The following GPM6A variants were observed in gnomAD, a reference collection of about 807,000 sequenced individuals.
GPM6A encodes glycoprotein M6A.
GPM6A carries 7 observed loss-of-function variants against 32.1 expected under a neutral mutation model. The observed-to-expected ratio is 0.22, with a 90% CI of 0.12 to 0.41. GPM6A has a LOEUF of 0.41. Among genes scored for constraint, GPM6A ranks in the 10% least tolerant of loss-of-function variants. The probability of loss-of-function intolerance (pLI) is 1.00; values close to 1 mark genes in which losing one functional copy is unlikely to be tolerated. For synonymous variants in GPM6A, 130 were observed against 123.4 expected (o/e 1.05, Z -0.35); for missense variants, 235 against 347.2 (o/e 0.68, Z 2.57).
At chr4:175,711,457 T>TATATATATATATATAC (rs1303046650) in intron 1 of GPM6A, among the ~76,000 whole-genome samples, 3 of 28,010 alleles carry the variant, frequency 1.1e-4, no homozygotes, top group African/African-American at 2.5e-4. Flanking sequence ...TATATATATA[T>TATATATATATATATAC]ACACACACAT....
At chr4:175,936,073 AG>A (rs1739213381) in intron 1 of GPM6A, among the ~76,000 whole-genome samples, 1 of 151,704 alleles carries the variant, frequency 6.6e-6, no homozygotes, top group Non-Finnish European at 1.5e-5. Context: ...TGGGAGGCCG[AG>A]GGGGGTGGAT....
intron 1 of GPM6A, among the ~76,000 whole-genome samples, chr4:175,839,895 C>T (rs1735884754): frequency 6.6e-6 from 1 of 152,080 alleles, no homozygotes; most frequent in African/African-American, 2.4e-5. Flanking sequence ...ACCATGACAT[C>T]TTTAGAGATT....
intron 1 of GPM6A, among the ~76,000 whole-genome samples, chr4:175,924,405 T>C (rs1163773573): frequency 6.6e-6 from 1 of 152,150 alleles, no homozygotes; most frequent in Non-Finnish European, 1.5e-5. Flanking sequence ...GCTGTGGCCC[T>C]TGCTAAAGAC....
At chr4:175,636,896 A>T (rs1011105478) in intron 6 of GPM6A, among the ~76,000 whole-genome samples, 12 of 141,688 alleles carry the variant, frequency 8.5e-5, no homozygotes, top group African/African-American at 3.1e-4. Context: ...CTGTTTCTGA[A>T]TTGGAGTGAT....
chr4:175,709,393 G>A (rs1218588059), intron 1 of GPM6A, among the ~76,000 whole-genome samples: 2 of 150,366 alleles, frequency 1.3e-5, no homozygotes, highest in Admixed American at 6.7e-5. Flanking sequence ...TTCTTAAAGA[G>A]CATTGGCCAG....
intron 1 of GPM6A, among the ~76,000 whole-genome samples, chr4:175,797,789 T>C (rs899474268): frequency 1.3e-5 from 2 of 152,196 alleles, no homozygotes; most frequent in Non-Finnish European, 2.9e-5. Flanking sequence ...CTTAAAGTTC[T>C]CATTTTAAAT....
intron 1 of GPM6A, among the ~76,000 whole-genome samples, chr4:175,736,394 ACC>A (rs1731660932): frequency 6.6e-6 from 1 of 152,178 alleles, no homozygotes; most frequent in African/African-American, 2.4e-5. Flanking sequence ...TAGAGTCTTC[ACC>A]TCCGAGGATC....
chr4:175,867,807 C>T (rs1392932037), intron 1 of GPM6A, among the ~76,000 whole-genome samples: 4 of 152,082 alleles, frequency 2.6e-5, no homozygotes, highest in Non-Finnish European at 5.9e-5. Flanking sequence ...AGGCTACAGC[C>T]GATTGAAGTG....
chr4:175,787,479 T>C, intron 1 of GPM6A: 1 of 1,494,582 alleles, frequency 6.7e-7, no homozygotes, highest in Non-Finnish European at 8.9e-7. Context: ...TAAATTGTTT[T>C]TTTAAGTCAC....
chr4:175,927,779 G>A (rs978572366), intron 1 of GPM6A, among the ~76,000 whole-genome samples: 16 of 152,288 alleles, frequency 1.1e-4, no homozygotes, highest in African/African-American at 2.6e-4. Flanking sequence ...CAGCTACTCC[G>A]GAGGCTGAGG....
At chr4:175,984,849 C>T (rs1465879110) in intron 1 of GPM6A, among the ~76,000 whole-genome samples, 2 of 151,906 alleles carry the variant, frequency 1.3e-5, no homozygotes, top group Non-Finnish European at 2.9e-5. Flanking sequence ...ACCTGTTGTC[C>T]CATCACCATT....
At chr4:175,946,370 C>A (rs190415779) in intron 1 of GPM6A, among the ~76,000 whole-genome samples, 1 of 152,246 alleles carries the variant, frequency 6.6e-6, no homozygotes, top group Admixed American at 6.5e-5. Flanking sequence ...TTGTGTGAAG[C>A]ACTGTTCTAG....
intron 1 of GPM6A, chr4:175,970,757 G>A (rs1172654356): frequency 4.8e-6 from 2 of 415,860 alleles, no homozygotes; most frequent in African/African-American, 4.2e-5. Context: ...ACATTAAAAG[G>A]AAGGAATTGC....
intron 1 of GPM6A, among the ~76,000 whole-genome samples, chr4:175,791,651 G>A (rs1734017762): frequency 6.6e-6 from 1 of 152,064 alleles, no homozygotes; most frequent in South Asian, 2.1e-4. Context: ...TTACTTAATA[G>A]ATGGAGACTA....
At chr4:175,985,872 C>T (rs1350398551) in intron 1 of GPM6A, among the ~76,000 whole-genome samples, 1 of 151,914 alleles carries the variant, frequency 6.6e-6, no homozygotes, top group Admixed American at 6.6e-5. Flanking sequence ...GTGGTGCAAT[C>T]TCGGCTCACT....
intron 1 of GPM6A, among the ~76,000 whole-genome samples, chr4:175,917,731 G>A (rs1047920425): frequency 1.3e-5 from 2 of 151,900 alleles, no homozygotes; most frequent in Non-Finnish European, 2.9e-5. Context: ...ATGAGTCGGT[G>A]CAAAAAACAC....
chr4:175,850,866 A>T (rs1017251216), intron 1 of GPM6A, among the ~76,000 whole-genome samples: 1 of 150,170 alleles, frequency 6.7e-6, no homozygotes, highest in Non-Finnish European at 1.5e-5. Flanking sequence ...TTTATATATA[A>T]TTTCACATAT....
intron 1 of GPM6A, among the ~76,000 whole-genome samples, chr4:175,909,537 C>T (rs4690417): frequency 0.92 from 140,024 of 152,192 alleles, 64,768 homozygotes; most frequent in Non-Finnish European, 0.97. Context: ...TGAAAGAAGC[C>T]GTGATTCCTA....
At chr4:175,718,666 C>T (rs994336589) in intron 1 of GPM6A, among the ~76,000 whole-genome samples, 11 of 152,030 alleles carry the variant, frequency 7.2e-5, no homozygotes, top group African/African-American at 2.4e-4. Flanking sequence ...TTGGTGAATG[C>T]TTAAACCATA....
Sources: allele counts gnomAD v4.1 joint callset (sites outside exome capture counted in the v4.1 genomes callset), GRCh38; gene constraint gnomAD v4.1.1; transcripts MANE v1.5; gene names NCBI Gene and HGNC (gene_info 2026-07-23, HGNC 2026-07-21).